SLC49A4: variants seen among roughly 807,000 people sequenced by gnomAD.
SLC49A4 encodes the protein solute carrier family 49 member 4, also known as disrupted in renal cancer protein 2.
SLC49A4 carries 36 observed loss-of-function variants against 50.6 expected under a neutral mutation model. The observed-to-expected ratio is 0.71, with a 90% confidence interval of 0.55 to 0.94. The LOEUF (loss-of-function observed/expected upper bound fraction) is 0.94. SLC49A4 is among the 40% of genes least tolerant of loss of function. The pLI is 0.00. For synonymous variants in SLC49A4, 248 were observed against 241.2 expected (o/e 1.03, Z -0.26); for missense variants, 503 against 605.7 (o/e 0.83, Z 1.78).
intron 8 of SLC49A4, among the ~76,000 whole-genome samples, chr3:122,873,808 A>G (rs6794424): frequency 2.6e-5 from 4 of 152,240 alleles, no homozygotes; most frequent in African/African-American, 9.6e-5. Flanking sequence ...AGTTTTCTCA[A>G]CAACGAAGTC....
At position 122,862,384 on chromosome 3, in the gene SLC49A4, C is replaced by G. The variant is rs116632039; in HGVS notation, c.1138+2182C>G. Among the ~76,000 whole-genome samples, 568 of 152,314 alleles carry G rather than the reference C, an allele frequency of 3.7e-3. 5 individuals carry two copies. The highest frequency in any genetic ancestry group is 0.013 in the African/African-American group (551 of 41,566). On this transcript the variant is annotated intron_variant, in intron 7 of 8. Coordinates refer to ENST00000261038, the MANE Select transcript of SLC49A4 (RefSeq NM_032839.3). Reference sequence around the variant, plus strand: ...CTGCCAACAGTCCCTCTTCTCTGTACACATGCTTTGCCTGGAAAACCCAGT... The same window carrying G: ...CTGCCAACAGTCCCTCTTCTCTGTAGACATGCTTTGCCTGGAAAACCCAGT...
intron 8 of SLC49A4, 37 bp from the exon 9 acceptor site, chr3:122,879,226 A>AT (rs763754714): frequency 1.9e-5 from 28 of 1,467,310 alleles, no homozygotes; most frequent in Non-Finnish European, 2.5e-5. Flanking sequence ...CTGGTGATAC[A>AT]TGAATGTTTA....
intron 5 of SLC49A4, among the ~76,000 whole-genome samples, chr3:122,854,699 C>T (rs901823730): frequency 1.1e-4 from 17 of 152,168 alleles, no homozygotes; most frequent in African/African-American, 4.1e-4. Flanking sequence ...TCACCTGTTC[C>T]AGCTAGGAAC....
In SLC49A4 at chr3:122,872,408, A is replaced by G; in HGVS notation, c.1139-7A>G. On this transcript the variant is annotated splice_polypyrimidine_tract_variant and splice_region_variant and intron_variant, in intron 7 of 8. Transcript: ENST00000261038. Reference sequence around the variant, plus strand: ...GTGAAACTAAAATGTTTGTGTTTTTATTTTAGTGACATTGTATGCCTCCTG... The same window carrying G: ...GTGAAACTAAAATGTTTGTGTTTTTGTTTTAGTGACATTGTATGCCTCCTG... 2 of 1,602,078 alleles carry G rather than the reference A, an allele frequency of 1.2e-6. No homozygotes were observed. The highest frequency in any genetic ancestry group is 1.7e-6 in the Non-Finnish European group (2 of 1,175,706).
intron 2 of SLC49A4, among the ~76,000 whole-genome samples, chr3:122,822,965 C>T (rs1481023004): frequency 1.3e-5 from 2 of 152,186 alleles, no homozygotes; most frequent in African/African-American, 2.4e-5. Context: ...CATCCGCCCT[C>T]CACCTCCCCA....
chr3:122,802,288 A>T (rs917321524), intron 1 of SLC49A4, among the ~76,000 whole-genome samples: 9 of 152,222 alleles, frequency 5.9e-5, no homozygotes, highest in African/African-American at 2.2e-4. Flanking sequence ...ATTTCCAGGC[A>T]GGAGTACAGA....
rs1169285909 is a variant in SLC49A4 at position 122,869,435 on chromosome 3, T to A, written c.1139-2980T>A. ...GCCTCATTTTTAATTGTATAATATT[T>A]CTTTGGATGTTTTATAAATTTTTAA... On this transcript the variant is annotated intron_variant, in intron 7 of 8. Transcript: ENST00000261038. Among the ~76,000 whole-genome samples the A allele has an allele frequency of 2.6e-5, 4 of 152,332 alleles. No homozygotes were observed. In the East Asian group the frequency reaches 7.7e-4, roughly 29 times the overall value.
chr3:122,813,263 TA>T (rs752601536), intron 2 of SLC49A4, among the ~76,000 whole-genome samples: 101 of 151,862 alleles, frequency 6.7e-4, no homozygotes, highest in Non-Finnish European at 1.3e-3. Context: ...AAAAGCTGTG[TA>T]AAATTGTCTT....
Position 122,826,932 on chromosome 3 carries a change from T to A in SLC49A4, c.570T>A (p.Ser190Arg). Reference protein sequence around the residue: ...ATATAIASMLSYLGGACAFLV... With the variant: ...ATATAIASMLRYLGGACAFLV... ...CCACAGCTATTGCATCAATGCTCAG[T>A]TATCTTGGGGGAGCATGTGCATTTT... is the stretch of plus-strand genomic sequence containing the variant. The change falls in exon 3 of 9, where the codon AGT (serine) becomes AGA (arginine). Residue 190 changes from serine (S) to arginine (R), a missense_variant. Physicochemically the swap from Ser to Arg is moderately radical, Grantham distance 110 (BLOSUM62 -1). Coordinates refer to ENST00000261038, the MANE Select transcript of SLC49A4 (RefSeq NM_032839.3). The A allele has an allele frequency of 6.2e-7, 1 of 1,614,226 alleles. No homozygotes were observed. Among genetic ancestry groups the A allele is most frequent in the Non-Finnish European group, 8.5e-7 (1 of 1,180,020 alleles).
At chr3:122,873,013 A>G (rs968338849) in intron 8 of SLC49A4, among the ~76,000 whole-genome samples, 2 of 152,124 alleles carry the variant, frequency 1.3e-5, no homozygotes, top group Admixed American at 6.5e-5. Context: ...TTAGGGGTGT[A>G]TATGGAGTTT....
At position 122,854,739 on chromosome 3, in the gene SLC49A4, G is replaced by A. The variant is rs1936963830; in HGVS notation, c.943-1568G>A. ...ACATGTCATCTAGCTAAGTACCCAG[G>A]TAGAAGAAGAAATCGTTTGGTGGAC... is the stretch of plus-strand genomic sequence containing the variant. On this transcript the variant is annotated intron_variant, in intron 5 of 8. Transcript: ENST00000261038. Among the ~76,000 whole-genome samples, 4 of 152,320 alleles carry A rather than the reference G, an allele frequency of 2.6e-5. No individual in the cohort carries two copies. In the South Asian group the frequency reaches 8.3e-4, roughly 32 times the overall value.
At chr3:122,812,819 T>C (rs1160129633) in intron 2 of SLC49A4, among the ~76,000 whole-genome samples, 1 of 152,196 alleles carries the variant, frequency 6.6e-6, no homozygotes, top group Non-Finnish European at 1.5e-5. Context: ...TTTGCCTTAA[T>C]TTGACTCTTA....
chr3:122,870,415 C>T (rs536878664), intron 7 of SLC49A4, among the ~76,000 whole-genome samples: 6 of 151,658 alleles, frequency 4.0e-5, no homozygotes, highest in Admixed American at 3.3e-4. Context: ...CAGGGTCTCA[C>T]CATGTTACCC....
At chr3:122,860,052 T>G (rs779217234) in intron 6 of SLC49A4, 23 bp from the exon 7 acceptor site, 6 of 1,593,194 alleles carry the variant, frequency 3.8e-6, no homozygotes, top group Non-Finnish European at 5.1e-6. Flanking sequence ...CCACTAGAAT[T>G]AATAGAGCAT....
chr3:122,825,151 T>TA (rs769793017), intron 2 of SLC49A4, among the ~76,000 whole-genome samples: 6 of 152,214 alleles, frequency 3.9e-5, no homozygotes, highest in African/African-American at 7.2e-5. Flanking sequence ...CCAAGCCTTC[T>TA]AGTTGACATG....
chr3:122,856,427 A>G (rs1936990706), intron 6 of SLC49A4, 53 bp downstream of exon 6: 6 of 1,489,562 alleles, frequency 4.0e-6, no homozygotes, highest in Non-Finnish European at 5.6e-6. Context: ...GAAAAAGCCT[A>G]AAGATAAATA....
At chr3:122,811,034 C>T (rs1412526033) in intron 2 of SLC49A4, among the ~76,000 whole-genome samples, 2 of 152,110 alleles carry the variant, frequency 1.3e-5, no homozygotes, top group African/African-American at 2.4e-5. Flanking sequence ...CCAATTAAGA[C>T]ACAAGTCCCA....
At chr3:122,806,473 G>A (rs992938410) in intron 1 of SLC49A4, among the ~76,000 whole-genome samples, 12 of 152,194 alleles carry the variant, frequency 7.9e-5, no homozygotes, top group African/African-American at 2.9e-4. Flanking sequence ...TGCCTCCCAG[G>A]TTCAAGCAAT....
At chr3:122,804,079 C>T (rs1016497990) in intron 1 of SLC49A4, among the ~76,000 whole-genome samples, 1 of 152,186 alleles carries the variant, frequency 6.6e-6, no homozygotes, top group Non-Finnish European at 1.5e-5. Flanking sequence ...TTCATTGGCT[C>T]ATGGTTCTGC....
Sources: gnomAD v4.1 joint callset for allele counts (sites outside exome capture counted in the v4.1 genomes callset) on GRCh38, gnomAD v4.1.1 for gene constraint, MANE v1.5 for transcripts, NCBI Gene and HGNC (gene_info 2026-07-23, HGNC 2026-07-21) for gene names.